The following ITFG2 variants were observed in gnomAD, a reference collection of about 807,000 sequenced individuals.
ITFG2 encodes the protein integrin alpha FG-GAP repeat containing 2, also known as KICSTOR complex protein ITFG2.
A neutral mutation model predicts 54.4 loss-of-function variants in ITFG2; 36 were observed. The ratio of observed to expected loss-of-function variants is 0.66; its 90% CI spans 0.51 to 0.87. The LOEUF (loss-of-function observed/expected upper bound fraction) is 0.87. Ranked by LOEUF, ITFG2 falls within the 40% of genes least tolerant of loss-of-function variation. The pLI is 0.00. For synonymous variants in ITFG2, 211 were observed against 225.4 expected, an observed-to-expected ratio of 0.94 and a Z score of 0.57; for missense variants, 524 against 576.7, an observed-to-expected ratio of 0.91 and a Z score of 0.94.
intron 3 of ITFG2, chr12:2,858,689 T>C (rs1456095558): frequency 6.2e-7 from 1 of 1,614,176 alleles, no homozygotes; most frequent in Non-Finnish European, 8.5e-7. Context: ...CAGGGCCCAG[T>C]GGGTCCTCGT....
intron 3 of ITFG2, chr12:2,858,749 C>A (rs2153931050): frequency 6.2e-7 from 1 of 1,614,244 alleles, no homozygotes; most frequent in Non-Finnish European, 8.5e-7. Flanking sequence ...GGCTGTCATT[C>A]ATTGTGTCCA....
Position 2,856,919 on chromosome 12 carries a change from CA to C in ITFG2, n.301-1088del, listed in dbSNP as rs984724707. On this transcript the variant is annotated intron_variant and non_coding_transcript_variant, in intron 2 of 3. Transcript: ENST00000537710. ...GGACAGCCTGTAGCCCAGTGGGGTA[CA>C]AAAAGGTAGGCGGCAGAGATGGGCC... 21 of 702,922 alleles carry C rather than the reference CA, an allele frequency of 3.0e-5. No homozygotes were observed. The East Asian group carries it at 5.1e-4, about 17-fold the overall frequency. 43.5% of individuals were successfully genotyped at this position (702,922 alleles called of 1,614,324 possible). A position where few individuals can be genotyped will look rare whatever the true frequency, so the allele number is the denominator to read the frequency against.
chr12:2,840,282 C>G (rs1361726858), intron 1 of ITFG2, among the ~76,000 whole-genome samples: 2 of 151,676 alleles, frequency 1.3e-5, no homozygotes, highest in African/African-American at 4.9e-5. Flanking sequence ...AACCCCGTCT[C>G]TACTAAAAAT....
chr12:2,825,412 G>C (rs1364591408), downstream of ITFG2: 1 of 152,454 alleles, frequency 6.6e-6, no homozygotes, highest in Non-Finnish European at 1.5e-5. Context: ...TTGGGCCTGG[G>C]GTCTGCAGTT....
At chr12:2,855,581 G>T in intron 2 of ITFG2, 2 of 592,486 alleles carry the variant, frequency 3.4e-6, no homozygotes, top group Non-Finnish European at 5.3e-6. Context: ...AGAAGTCCTG[G>T]CAGGGCCGCA....
At chr12:2,852,299 C>T (rs566974189) in intron 2 of ITFG2, among the ~76,000 whole-genome samples, 6 of 152,276 alleles carry the variant, frequency 3.9e-5, no homozygotes, top group Admixed American at 3.9e-4. Context: ...CTATTGAGCC[C>T]CTTCTGTATG....
upstream of ITFG2, chr12:2,835,364 G>T: frequency 3.0e-6 from 1 of 331,834 alleles, no homozygotes; most frequent in Non-Finnish European, 4.4e-6. Flanking sequence ...TCCCAGGACT[G>T]CCCAGCTGTT....
At chr12:2,817,342 T>C (rs778340434) in intron 2 of ITFG2, 24 bp downstream of exon 2, 5 of 1,545,756 alleles carry the variant, frequency 3.2e-6, no homozygotes, top group Non-Finnish European at 4.5e-6. Flanking sequence ...TCCCTGGGCC[T>C]GGAGGGGGGA....
In ITFG2 at chr12:2,824,138, A is replaced by G. The variant is rs886128934; in HGVS notation, c.1289A>G (p.Tyr430Cys). 2.5e-5 allele frequency: 40 copies of G among 1,613,906 alleles called. No individual in the cohort carries two copies. The highest frequency in any genetic ancestry group is 1.1e-5 in the Non-Finnish European group (13 of 1,180,000). ...CGTGCCCTGCTTCACCAAACGCTCTACCATCCAGACCAGCCACCACAGTGT... is the reference window on the plus strand; with the variant it reads ...CGTGCCCTGCTTCACCAAACGCTCTGCCATCCAGACCAGCCACCACAGTGT... ...VTRALLHQTL[Y>C]HPDQPPQCAP... The change falls in exon 12 of 12, where the codon TAC (tyrosine) becomes TGC (cysteine). Residue 430 changes from tyrosine to cysteine, a missense_variant. Transcript: ENST00000228799.
At chr12:2,855,554 G>A (rs1283246343) in intron 2 of ITFG2, 3 of 863,474 alleles carry the variant, frequency 3.5e-6, no homozygotes, top group East Asian at 2.9e-5. Context: ...GCCAGCCCAG[G>A]ATTCTCATGA....
intron 2 of ITFG2, among the ~76,000 whole-genome samples, chr12:2,854,317 G>T (rs371860665): frequency 6.6e-6 from 1 of 152,168 alleles, no homozygotes; most frequent in Non-Finnish European, 1.5e-5. Flanking sequence ...GAGCCACCAC[G>T]CCCTGCCATA....
chr12:2,830,880 A>G (rs1352567116), exon 3 of ITFG2: 3 of 1,609,220 alleles, frequency 1.9e-6, no homozygotes, highest in Non-Finnish European at 1.7e-6. Context: ...TCACAAAACA[A>G]TGAAGGTAGG....
chr12:2,813,030 T>C (rs2097912924), intron 1 of ITFG2, 174 bp downstream of exon 1: 1 of 530,696 alleles, frequency 1.9e-6, no homozygotes, highest in East Asian at 2.9e-5. Context: ...GTTGGTTTTG[T>C]TCCTTGGGAG....
intron 2 of ITFG2, chr12:2,855,013 A>G (rs1316462404): frequency 1.3e-6 from 2 of 1,535,938 alleles, no homozygotes; most frequent in Non-Finnish European, 1.7e-6. Flanking sequence ...CCTGAAAATC[A>G]CCTGCTTCTT....
At chr12:2,842,966 G>A (rs772207712) in intron 2 of ITFG2, among the ~76,000 whole-genome samples, 5 of 152,044 alleles carry the variant, frequency 3.3e-5, no homozygotes, top group African/African-American at 4.8e-5. Flanking sequence ...TGTCATAGCC[G>A]TTCATGCCTT....
chr12:2,846,618 A>T (rs1273269552), intron 2 of ITFG2, among the ~76,000 whole-genome samples: 1 of 151,764 alleles, frequency 6.6e-6, no homozygotes, highest in Non-Finnish European at 1.5e-5. Context: ...ACATTTTTGG[A>T]TCCTATGTAA....
At chr12:2,850,792 C>T (rs1400257675) in intron 2 of ITFG2, among the ~76,000 whole-genome samples, 1 of 151,724 alleles carries the variant, frequency 6.6e-6, no homozygotes, top group Non-Finnish European at 1.5e-5. Flanking sequence ...CCTGCCTCAG[C>T]CTCCCAAGTA....
intron 9 of ITFG2, 89 bp downstream of exon 9, chr12:2,821,881 C>G: frequency 2.1e-6 from 2 of 938,514 alleles, no homozygotes; most frequent in Non-Finnish European, 3.3e-6. Flanking sequence ...TCTCACATCC[C>G]AGGGAACTCC....
chr12:2,841,497 G>C (rs570927367), intron 2 of ITFG2, among the ~76,000 whole-genome samples: 1 of 152,276 alleles, frequency 6.6e-6, no homozygotes, highest in East Asian at 1.9e-4. Flanking sequence ...ACCACACCTT[G>C]CATTTACCAC....
Sources: allele counts gnomAD v4.1 joint callset (sites outside exome capture counted in the v4.1 genomes callset), GRCh38; gene constraint gnomAD v4.1.1; transcripts MANE v1.5; gene names NCBI Gene and HGNC (gene_info 2026-07-23, HGNC 2026-07-21).